ZNF606: variants seen among roughly 807,000 people sequenced by gnomAD.
The protein encoded by ZNF606 is zinc finger protein 606, also known as zinc finger protein 328.
ZNF606 carries 37 observed loss-of-function variants against 74.9 expected under a neutral mutation model. The ratio of observed to expected loss-of-function variants is 0.49; its 90% CI spans 0.38 to 0.65. ZNF606 has a LOEUF of 0.65. Ranked by LOEUF, ZNF606 falls within the 30% of genes least tolerant of loss-of-function variation. ZNF606 has a pLI of 0.00. For synonymous variants in ZNF606, 328 were observed against 312.4 expected, an observed-to-expected ratio of 1.05 and a Z score of -0.53; for missense variants, 852 against 952.9, an observed-to-expected ratio of 0.89 and a Z score of 1.39.
At chr19:58,000,822 A>G in intron 2 of ZNF606, 83 bp from the exon 3 acceptor site, 1 of 1,316,008 alleles carries the variant, frequency 7.6e-7, no homozygotes, top group Admixed American at 2.4e-5. Flanking sequence ...CTGACTCGCT[A>G]ATGGGCACTA....
intron 4 of ZNF606, chr19:57,999,437 A>T (rs571705692): frequency 1.3e-5 from 4 of 314,526 alleles, no homozygotes; most frequent in African/African-American, 8.4e-5. Flanking sequence ...GTGAAGGCTC[A>T]CACCTGTCCT....
At chr19:57,987,697 G>A (rs1043951672) in intron 6 of ZNF606, among the ~76,000 whole-genome samples, 1 of 151,932 alleles carries the variant, frequency 6.6e-6, no homozygotes, top group African/African-American at 2.4e-5. Context: ...GCATGGTGGC[G>A]GGTGCCTGTA....
At position 58,002,731 on chromosome 19, in the gene ZNF606, C is replaced by CA. The variant is rs1037917698; in HGVS notation, c.-388_-387insT. On this transcript the variant is annotated 5_prime_UTR_variant, in exon 1 of 7. Coordinates refer to ENST00000551380, the MANE Select transcript of ZNF606 (RefSeq NM_001348022.3). ...CTCTCCCAGCCGGCTCTCCTGACCC[C>CA]CCAAGCCCCGCAGCTACGGCGGCCC... 1.5e-5 allele frequency: 7 copies of CA among 454,112 alleles called. No individual in the cohort carries two copies. The highest frequency in any genetic ancestry group is 1.0e-4 in the African/African-American group (5 of 49,614). 28.1% of individuals were successfully genotyped at this position (454,112 alleles called of 1,614,324 possible). A position where few individuals can be genotyped will look rare whatever the true frequency, so the allele number is the denominator to read the frequency against.
chr19:57,997,707 G>A (rs1441396328), intron 4 of ZNF606: 4 of 152,226 alleles, frequency 2.6e-5, no homozygotes, highest in African/African-American at 2.4e-5. Flanking sequence ...TAGCATGGTG[G>A]TTAACAGGGC....
At position 57,980,071 on chromosome 19, in the gene ZNF606, T is replaced by C. The variant is rs1312777259; in HGVS notation, c.609A>G (p.Gln203=). The change falls in exon 7 of 7, where the codon CAA becomes CAG. Residue 203 remains glutamine (Q), a synonymous_variant. Coordinates refer to ENST00000551380, the MANE Select transcript of ZNF606 (RefSeq NM_001348022.3). The stretch of plus-strand genomic sequence containing the variant: ...ATTCAGAGCTTCTCTGGGATAGTAC[T>C]TGCTTTTGCATGAAGACCATCTGCC... ...AMRQMVFMQK[Q]VLSQRSSEFC... The C allele has an allele frequency of 6.2e-7, 1 of 1,613,850 alleles. No individual in the cohort carries two copies. Among genetic ancestry groups the C allele is most frequent in the Non-Finnish European group, 8.5e-7 (1 of 1,180,034 alleles).
intron 4 of ZNF606, among the ~76,000 whole-genome samples, chr19:57,994,899 C>A (rs2073311703): frequency 6.6e-6 from 1 of 152,054 alleles, no homozygotes; most frequent in Non-Finnish European, 1.5e-5. Flanking sequence ...AAAGTATATA[C>A]CTAGCCGGGC....
At chr19:57,995,116 G>A (rs11665729) in intron 4 of ZNF606, among the ~76,000 whole-genome samples, 32,891 of 150,100 alleles carry the variant, frequency 0.22, 3,674 homozygotes, top group Non-Finnish European at 0.24. Flanking sequence ...ACTTGAACCC[G>A]CGAGGCAAGG....
chr19:58,000,699 G>A lies in ZNF606; in HGVS notation c.72C>T (p.Asp24=), dbSNP rs1270361834. 5.2e-5 allele frequency: 84 copies of A among 1,612,378 alleles called. No individual in the cohort carries two copies. The highest frequency in any genetic ancestry group is 7.0e-5 in the Non-Finnish European group (83 of 1,179,210). ...TDQSWGMTAV[D]PWASWALCPQ... ...TTGACTCACCCCAGGAGGCCCATGG[G>A]TCAACAGCTGTCATCCCCCAAGATT... Residue 24 remains aspartate (D), a synonymous_variant, in exon 3 of 7, where the codon GAC becomes GAT. Transcript: ENST00000551380.
intron 3 of ZNF606, 36 bp downstream of exon 3, chr19:58,000,642 CACAAT>C: frequency 6.2e-7 from 1 of 1,610,926 alleles, no homozygotes; most frequent in Middle Eastern, 1.7e-4. Flanking sequence ...AGCCAGAGGC[CACAAT>C]ATGGCAGCCC....
intron 6 of ZNF606, among the ~76,000 whole-genome samples, chr19:57,986,995 TGG>T (rs2073173235): frequency 6.6e-6 from 1 of 151,936 alleles, no homozygotes; most frequent in South Asian, 2.1e-4. Context: ...GAGGCTGAGG[TGG>T]GAGGACTGCC....
At chr19:58,001,161 C>A in intron 2 of ZNF606, 128 bp downstream of exon 2, 1 of 1,128,852 alleles carries the variant, frequency 8.9e-7, no homozygotes, top group Non-Finnish European at 1.3e-6. Context: ...CCAATCAGTT[C>A]TAATTTTGTA....
chr19:57,988,556 TG>T, intron 5 of ZNF606, 38 bp downstream of exon 5: 3 of 1,596,370 alleles, frequency 1.9e-6, no homozygotes, highest in Non-Finnish European at 2.6e-6. Flanking sequence ...GGCATTACCA[TG>T]GGAACAGCTT....
chr19:57,989,394 A>T (rs2123303668), intron 4 of ZNF606, among the ~76,000 whole-genome samples: 1 of 152,228 alleles, frequency 6.6e-6, no homozygotes, highest in Admixed American at 6.5e-5. Flanking sequence ...AAGGAAAGGT[A>T]ATCTAAGTCT....
intron 4 of ZNF606, among the ~76,000 whole-genome samples, chr19:57,992,498 C>T (rs2073275680): frequency 1.3e-5 from 2 of 152,176 alleles, no homozygotes; most frequent in Non-Finnish European, 2.9e-5. Context: ...CCAACAAGAC[C>T]AGTGACCTAG....
chr19:57,988,789 A>T, intron 4 of ZNF606, 68 bp from the exon 5 acceptor site: 1 of 1,607,638 alleles, frequency 6.2e-7, no homozygotes, highest in Non-Finnish European at 8.5e-7. Context: ...GGATGGAGTG[A>T]GGCTGACAGC....
intron 4 of ZNF606, among the ~76,000 whole-genome samples, chr19:57,991,792 T>TAAAC (rs1465451004): frequency 6.6e-6 from 1 of 151,338 alleles, no homozygotes; most frequent in East Asian, 1.9e-4. Context: ...AATAAATAAA[T>TAAAC]AAATAAATAA....
In ZNF606 at chr19:58,002,409, G is replaced by T. The variant is rs2123359725; in HGVS notation, c.-65C>A. On this transcript the variant is annotated 5_prime_UTR_variant, in exon 1 of 7. Transcript: ENST00000551380. ...TCCCGGCCTCACCTGGCTCGCGGCC[G>T]GCGGTCCCCCTTGAAGGCGGCGCAG... 1 of 456,398 alleles carries T rather than the reference G, an allele frequency of 2.2e-6. No individual in the cohort carries two copies. The highest frequency in any genetic ancestry group is 1.5e-5 in the South Asian group (1 of 64,530). The allele number at this position is 456,398 out of a possible 1,614,324, so 28.3% of individuals were successfully genotyped here.
At chr19:57,983,765 C>T (rs1036270942) in intron 6 of ZNF606, among the ~76,000 whole-genome samples, 1 of 152,090 alleles carries the variant, frequency 6.6e-6, no homozygotes, top group Non-Finnish European at 1.5e-5. Context: ...TGACTAGTCA[C>T]TCAGCATGAG....
chr19:57,979,220 T>C lies in ZNF606; in HGVS notation c.1460A>G (p.Asn487Ser), dbSNP rs1411543034. The change falls in exon 7 of 7, where the codon AAT becomes AGT. Residue 487 changes from asparagine to serine, a missense_variant. Transcript: ENST00000551380. ...CCAGTTGAAAGATTTCCCACACTCA[T>C]TACAAACATAAGGTTTTTCTCCTGT... is the stretch of plus-strand genomic sequence containing the variant. The part of the protein sequence containing the change: ...IHTGEKPYVC[N>S]ECGKSFNWNS... 6.2e-7 allele frequency: 1 copy of C among 1,613,688 alleles called. No individual in the cohort carries two copies. Among genetic ancestry groups the C allele is most frequent in the Admixed American group, 1.7e-5 (1 of 59,978 alleles).
Sources: gnomAD v4.1 joint callset for allele counts (sites outside exome capture counted in the v4.1 genomes callset) on GRCh38, gnomAD v4.1.1 for gene constraint, MANE v1.5 for transcripts, NCBI Gene and HGNC (gene_info 2026-07-23, HGNC 2026-07-21) for gene names.